The following KIAA1671 variants were observed in gnomAD, a reference collection of about 807,000 sequenced individuals.
KIAA1671 encodes uncharacterized protein KIAA1671.
A neutral mutation model predicts 131.2 loss-of-function variants in KIAA1671; 52 were observed. That is an observed-to-expected ratio of 0.40 (90% CI 0.32 to 0.50). KIAA1671 has a LOEUF of 0.50. KIAA1671 is among the 20% of genes least tolerant of loss of function. The pLI is 0.73. For missense variants in KIAA1671, 2,360 were observed against 2,364.2 expected (o/e 1.00, Z 0.04); for synonymous variants, 1,003 against 961.6 (o/e 1.04, Z -0.80).
chr22:24,987,177 T>TATTA (rs1569199170), intron 1 of KIAA1671, among the ~76,000 whole-genome samples: 139 of 150,954 alleles, frequency 9.2e-4, no homozygotes, highest in African/African-American at 3.3e-3. Context: ...TATTATTTTT[T>TATTA]TTTTTTTTTC....
chr22:25,011,590 C>A lies in KIAA1671; in HGVS notation c.-207-14043C>A, dbSNP rs573990140. ...GCATGAGCCACTGAGCCTGGCCTGC[C>A]TGGTTTGTTGTTGTTATTTCTTTTT... On this transcript the variant is annotated intron_variant, in intron 1 of 12. Coordinates refer to ENST00000358431, the MANE Select transcript of KIAA1671 (RefSeq NM_001145206.2). 2.6e-5 allele frequency: 4 copies of A among 151,820 alleles called. No individual in the cohort carries two copies. The East Asian group carries it at 7.7e-4, about 29-fold the overall frequency. 9.4% of individuals were successfully genotyped at this position (151,820 alleles called of 1,614,324 possible). A position where few individuals can be genotyped will look rare whatever the true frequency, so the allele number is the denominator to read the frequency against.
intron 1 of KIAA1671, among the ~76,000 whole-genome samples, chr22:25,007,281 A>T (rs964323173): frequency 2.6e-5 from 4 of 152,020 alleles, no homozygotes; most frequent in Non-Finnish European, 4.4e-5. Context: ...AGGTCAAGAG[A>T]TCGAGACCAT....
In KIAA1671 at chr22:25,029,208, C is replaced by G; in HGVS notation, c.1209C>G (p.Pro403=). The G allele has an allele frequency of 6.9e-7, 1 of 1,459,310 alleles. No individual in the cohort carries two copies. 90.4% of individuals were successfully genotyped at this position (1,459,310 alleles called of 1,614,324 possible). A position where few individuals can be genotyped will look rare whatever the true frequency, so the allele number is the denominator to read the frequency against. ...AGCCAGAGAAGGCTGCTGAGTCCCC[C>G]TCACCCAGGCTGGGAAGGGGCCTAG... ...DPEPEKAAES[P]SPRLGRGLEL... is the part of the protein sequence containing the mutation. Residue 403 remains proline (P), a synonymous_variant, in exon 3 of 13, where the codon CCC becomes CCG. Transcript: ENST00000358431.
chr22:25,118,991 T>A (rs1931810698), intron 6 of KIAA1671, among the ~76,000 whole-genome samples: 1 of 152,234 alleles, frequency 6.6e-6, no homozygotes, highest in African/African-American at 2.4e-5. Flanking sequence ...CCTACATTTC[T>A]TCCTGGGACC....
At chr22:24,990,198 C>A (rs1368810374) in intron 1 of KIAA1671, among the ~76,000 whole-genome samples, 2 of 152,094 alleles carry the variant, frequency 1.3e-5, no homozygotes, top group Admixed American at 6.6e-5. Context: ...TCAAGTGATT[C>A]TCCTGCCTCA....
chr22:25,090,210 G>A (rs535525177), intron 6 of KIAA1671, among the ~76,000 whole-genome samples: 1 of 152,328 alleles, frequency 6.6e-6, no homozygotes, highest in East Asian at 1.9e-4. Flanking sequence ...GCTGAGCTCT[G>A]GAGCCCTTAG....
intron 12 of KIAA1671, among the ~76,000 whole-genome samples, chr22:25,191,569 T>A (rs1333174579): frequency 6.6e-6 from 1 of 152,230 alleles, no homozygotes; most frequent in Non-Finnish European, 1.5e-5. Flanking sequence ...CTGGTGTAAG[T>A]TGCAAATGAC....
intron 6 of KIAA1671, among the ~76,000 whole-genome samples, chr22:25,127,506 G>A (rs1004333800): frequency 3.3e-5 from 5 of 152,164 alleles, no homozygotes; most frequent in Middle Eastern, 3.4e-3. Flanking sequence ...TCTTCTTCCC[G>A]GCCTCTTTTG....
chr22:25,038,126 C>T (rs1448045679), intron 4 of KIAA1671, among the ~76,000 whole-genome samples: 6 of 152,136 alleles, frequency 3.9e-5, no homozygotes, highest in Admixed American at 2.6e-4. Flanking sequence ...TTTGAGCCAC[C>T]GCACCTGGCC....
chr22:24,965,101 TA>T (rs3063196), intron 1 of KIAA1671, among the ~76,000 whole-genome samples: 1,966 of 140,730 alleles, frequency 0.014, 27 homozygotes, highest in African/African-American at 0.034. Flanking sequence ...AGTAGGCTCT[TA>T]AAAAAAAAAA....
intron 6 of KIAA1671, among the ~76,000 whole-genome samples, chr22:25,089,378 A>G (rs1414270829): frequency 6.7e-6 from 1 of 149,118 alleles, no homozygotes; most frequent in Admixed American, 6.8e-5. Flanking sequence ...GGGTTCAAGC[A>G]ATTCTGCTGC....
chr22:25,175,954 T>C (rs554722583), intron 8 of KIAA1671: 96 of 152,412 alleles, frequency 6.3e-4, no homozygotes, highest in African/African-American at 2.2e-3. Flanking sequence ...TTAGGTCTCC[T>C]GTGGGGACGG....
intron 1 of KIAA1671, among the ~76,000 whole-genome samples, chr22:24,991,533 T>C (rs566908718): frequency 1.5e-4 from 23 of 151,094 alleles, no homozygotes; most frequent in African/African-American, 5.4e-4. Flanking sequence ...CTCGGCTCAC[T>C]GCAAGCTGTA....
chr22:25,072,340 C>A (rs1928874794), intron 6 of KIAA1671, among the ~76,000 whole-genome samples: 1 of 152,184 alleles, frequency 6.6e-6, no homozygotes, highest in Non-Finnish European at 1.5e-5. Context: ...GTTTCCCCAT[C>A]TGGACCATGA....
intron 1 of KIAA1671, chr22:25,014,217 A>G (rs905529583): frequency 6.6e-6 from 1 of 152,216 alleles, no homozygotes; most frequent in Non-Finnish European, 1.5e-5. Flanking sequence ...AGCTGTAGAA[A>G]CTGCTGTATA....
rs1934699342 is a variant in KIAA1671, at chr22:25,192,472, C to T, written c.*71C>T. 6.6e-6 allele frequency: 1 copy of T among 152,268 alleles called. No individual in the cohort carries two copies. Among genetic ancestry groups the T allele is most frequent in the Non-Finnish European group, 1.5e-5 (1 of 68,100 alleles). The allele number at this position is 152,268 out of a possible 1,614,324, so 9.4% of individuals were successfully genotyped here. On this transcript the variant is annotated 3_prime_UTR_variant, in exon 13 of 13. Coordinates refer to ENST00000358431, the MANE Select transcript of KIAA1671 (RefSeq NM_001145206.2). ...ATCAGAACCCGCAGACGAGGCCGAG[C>T]TGCTGCCGTTTCTTCCTGCACAACG...
At chr22:25,115,657 T>G (rs1931614968) in intron 6 of KIAA1671, among the ~76,000 whole-genome samples, 1 of 152,164 alleles carries the variant, frequency 6.6e-6, no homozygotes, top group Non-Finnish European at 1.5e-5. Flanking sequence ...GGAAGCAGAG[T>G]AAGAGCCTGA....
rs528976674 is a variant in KIAA1671 at position 24,984,560 on chromosome 22, C to T, written c.-208+31788C>T. ...AGCTACTGGGCAAGGGATGAGGCAGCTTCAGCAACTTAATAAGCGTGGAAT... is the reference window on the plus strand; with the variant it reads ...AGCTACTGGGCAAGGGATGAGGCAGTTTCAGCAACTTAATAAGCGTGGAAT... On this transcript the variant is annotated intron_variant, in intron 1 of 12. Coordinates refer to ENST00000358431, the MANE Select transcript of KIAA1671 (RefSeq NM_001145206.2). Among the ~76,000 whole-genome samples the T allele has an allele frequency of 8.3e-4, 127 of 152,348 alleles. 1 individual carries two copies. The highest frequency in any genetic ancestry group is 1.3e-4 in the Non-Finnish European group (9 of 68,034).
chr22:24,961,188 C>G (rs376071229), intron 1 of KIAA1671, among the ~76,000 whole-genome samples: 1 of 151,858 alleles, frequency 6.6e-6, no homozygotes, highest in African/African-American at 2.4e-5. Flanking sequence ...TTTGTAGAGA[C>G]GAGATTTTGC....
Sources: gnomAD v4.1 joint callset for allele counts (sites outside exome capture counted in the v4.1 genomes callset) on GRCh38, gnomAD v4.1.1 for gene constraint, MANE v1.5 for transcripts, NCBI Gene and HGNC (gene_info 2026-07-23, HGNC 2026-07-21) for gene names.